The following CSMD3 variants were observed in gnomAD, a reference collection of about 807,000 sequenced individuals.
CSMD3 encodes CUB and Sushi multiple domains 3, also known as CUB and sushi domain-containing protein 3.
In CSMD3, 177 loss-of-function variants were observed where a neutral mutation model predicts 435.2. The ratio of observed to expected loss-of-function variants is 0.41; its 90% CI spans 0.36 to 0.46. The LOEUF is 0.46. CSMD3 is among the 20% of genes least tolerant of loss of function. The pLI, the probability that CSMD3 is intolerant of heterozygous loss-of-function variation, is 0.34. For missense variants in CSMD3, 4,265 were observed against 4,504.6 expected, an observed-to-expected ratio of 0.95 and a Z score of 1.52; for synonymous variants, 1,656 against 1,520.5, an observed-to-expected ratio of 1.09 and a Z score of -2.07.
intron 28 of CSMD3, among the ~76,000 whole-genome samples, chr8:112,510,166 T>C (rs183072617): frequency 6.6e-6 from 1 of 152,326 alleles, no homozygotes; most frequent in East Asian, 1.9e-4. Context: ...TAGGTCTAAC[T>C]CCTCTCTTTC....
In CSMD3 at chr8:112,438,846, T is replaced by TA. The variant is rs1159165139; in HGVS notation, c.5396-29815dup. Among the ~76,000 whole-genome samples the TA allele has an allele frequency of 5.9e-5, 9 of 152,330 alleles. No individual in the cohort carries two copies. In the East Asian group the frequency reaches 1.5e-3, roughly 26 times the overall value. On this transcript the variant is annotated intron_variant, in intron 32 of 70. Coordinates refer to ENST00000297405, the MANE Select transcript of CSMD3 (RefSeq NM_198123.2). ...TACTACCAAATTCAGTATAATTGTGTAATAAGCTTTTACACCACATTTCTA... is the reference window on the plus strand; with the variant it reads ...TACTACCAAATTCAGTATAATTGTGTAAATAAGCTTTTACACCACATTTCTA...
intron 3 of CSMD3, among the ~76,000 whole-genome samples, chr8:113,204,715 T>C (rs2092752233): frequency 6.6e-6 from 1 of 152,154 alleles, no homozygotes; most frequent in South Asian, 2.1e-4. Context: ...TTACTATACA[T>C]TTTCTATGTT....
At chr8:112,673,167 G>T (rs2075696469) in intron 16 of CSMD3, among the ~76,000 whole-genome samples, 1 of 150,634 alleles carries the variant, frequency 6.6e-6, no homozygotes, top group Non-Finnish European at 1.5e-5. Flanking sequence ...GTTCCATTTT[G>T]TTCCTTAAAA....
At chr8:112,709,301 C>A (rs1168221288) in intron 13 of CSMD3, among the ~76,000 whole-genome samples, 1 of 152,026 alleles carries the variant, frequency 6.6e-6, no homozygotes, top group Admixed American at 6.6e-5. Flanking sequence ...ACCAGTACGA[C>A]TTTTATATTG....
intron 3 of CSMD3, among the ~76,000 whole-genome samples, chr8:113,210,730 A>G (rs2132075999): frequency 6.6e-6 from 1 of 152,052 alleles, no homozygotes; most frequent in South Asian, 2.1e-4. Context: ...ATACAAAATT[A>G]GCTGGGCATG....
intron 3 of CSMD3, among the ~76,000 whole-genome samples, chr8:113,251,487 TA>T (rs1296171506): frequency 6.6e-6 from 1 of 152,030 alleles, no homozygotes; most frequent in Non-Finnish European, 1.5e-5. Flanking sequence ...CTATTAAAGT[TA>T]ATATCACCTT....
intron 13 of CSMD3, among the ~76,000 whole-genome samples, chr8:112,718,222 T>C (rs1178978701): frequency 6.6e-6 from 1 of 152,120 alleles, no homozygotes; most frequent in Non-Finnish European, 1.5e-5. Context: ...CCTCCTGTTT[T>C]GTAGTGAGCC....
Position 112,223,107 on chromosome 8 carries a change from C to A in CSMD3, c.*1664G>T. 2 of 398,292 alleles carry A rather than the reference C, an allele frequency of 5.0e-6. No homozygotes were observed. Among genetic ancestry groups the A allele is most frequent in the Non-Finnish European group, 8.9e-6 (2 of 225,688 alleles). The allele number at this position is 398,292 out of a possible 1,614,324, so 24.7% of individuals were successfully genotyped here. A position where few individuals can be genotyped will look rare whatever the true frequency, so the allele number is the denominator to read the frequency against. On this transcript the variant is annotated 3_prime_UTR_variant, in exon 71 of 71. Coordinates refer to ENST00000297405, the MANE Select transcript of CSMD3 (RefSeq NM_198123.2). ...TTAAACAAGATCTTAAATGTATTAG[C>A]CTTAACATTAATGAATGAATCATTG...
rs118138343 is a variant in CSMD3 at position 113,142,130 on chromosome 8, A to G, written c.709+31592T>C. On this transcript the variant is annotated intron_variant, in intron 4 of 70. Transcript: ENST00000297405. ...TAATGGAAGAAATCATAAATAACTAAGTAAATGGAGAGGCTGTATTCATGG... is the reference window on the plus strand; with the variant it reads ...TAATGGAAGAAATCATAAATAACTAGGTAAATGGAGAGGCTGTATTCATGG... Among the ~76,000 whole-genome samples the G allele has an allele frequency of 5.8e-3, 875 of 151,282 alleles. 15 individuals carry two copies. The East Asian group carries it at 0.069, about 12-fold the overall frequency.
At chr8:113,394,547 A>G (rs1405996863) in intron 1 of CSMD3, among the ~76,000 whole-genome samples, 1 of 152,094 alleles carries the variant, frequency 6.6e-6, no homozygotes, top group African/African-American at 2.4e-5. Context: ...TTCTAGTGCT[A>G]TATTTCTAAA....
intron 6 of CSMD3, among the ~76,000 whole-genome samples, chr8:113,016,629 C>G (rs890697072): frequency 2.6e-5 from 4 of 151,664 alleles, no homozygotes; most frequent in Non-Finnish European, 5.9e-5. Flanking sequence ...ACTGAGTACT[C>G]GGTAAATATA....
chr8:112,233,316 C>G (rs6983302), intron 68 of CSMD3, among the ~76,000 whole-genome samples: 101,010 of 152,072 alleles, frequency 0.66, 35,348 homozygotes, highest in African/African-American at 0.89. Context: ...TTCACAACAA[C>G]TGATTTATTC....
chr8:112,948,383 G>T (rs1412041750), intron 8 of CSMD3, among the ~76,000 whole-genome samples: 3 of 151,972 alleles, frequency 2.0e-5, no homozygotes, highest in African/African-American at 7.2e-5. Context: ...TTAAAATACA[G>T]CAGTGGTGCA....
chr8:112,956,009 C>A (rs2084003835), intron 7 of CSMD3, among the ~76,000 whole-genome samples: 2 of 151,576 alleles, frequency 1.3e-5, no homozygotes, highest in African/African-American at 4.8e-5. Context: ...GAGAAAGGGC[C>A]TGATGGTTTA....
intron 10 of CSMD3, among the ~76,000 whole-genome samples, chr8:112,905,085 C>T (rs1191737546): frequency 6.6e-6 from 1 of 151,222 alleles, no homozygotes; most frequent in Non-Finnish European, 1.5e-5. Context: ...TAAGAAAATA[C>T]ATCAGAAAGT....
chr8:113,193,978 G>T (rs1233342614), intron 3 of CSMD3, among the ~76,000 whole-genome samples: 2 of 151,260 alleles, frequency 1.3e-5, no homozygotes, highest in Admixed American at 1.3e-4. Flanking sequence ...CACACTATGT[G>T]TCTAAACAAT....
At chr8:112,884,563 C>T (rs2081537108) in intron 10 of CSMD3, among the ~76,000 whole-genome samples, 1 of 151,770 alleles carries the variant, frequency 6.6e-6, no homozygotes, top group Non-Finnish European at 1.5e-5. Context: ...CTTTCCCCCA[C>T]AATTGAGGGG....
At chr8:112,750,760 T>A (rs1351101691) in intron 13 of CSMD3, among the ~76,000 whole-genome samples, 1 of 152,100 alleles carries the variant, frequency 6.6e-6, no homozygotes, top group Non-Finnish European at 1.5e-5. Context: ...CAATTCCTGC[T>A]ATTACAAATA....
intron 3 of CSMD3, among the ~76,000 whole-genome samples, chr8:113,198,615 A>G (rs2092685613): frequency 6.6e-6 from 1 of 151,346 alleles, no homozygotes; most frequent in Non-Finnish European, 1.5e-5. Flanking sequence ...AAAGAAGTCC[A>G]TAATTACATT....
Sources: gnomAD v4.1 joint callset for allele counts (sites outside exome capture counted in the v4.1 genomes callset) on GRCh38, gnomAD v4.1.1 for gene constraint, MANE v1.5 for transcripts, NCBI Gene and HGNC (gene_info 2026-07-23, HGNC 2026-07-21) for gene names.